Variants in RBPJ observed in about 807,000 individuals in gnomAD.
RBPJ encodes recombination signal binding protein for immunoglobulin kappa J region.
RBPJ carries 9 observed loss-of-function variants against 67.8 expected under a neutral mutation model. That is an observed-to-expected ratio of 0.13 (90% confidence interval 0.08 to 0.23). The LOEUF (loss-of-function observed/expected upper bound fraction) is 0.23, where lower values mean the gene tolerates loss of function less well. RBPJ is among the 10% of genes least tolerant of loss of function. The pLI is 1.00. For synonymous variants in RBPJ, 198 were observed against 203.3 expected (o/e 0.97, Z 0.22); for missense variants, 305 against 595.6 (o/e 0.51, Z 5.08).
intron 1 of RBPJ, among the ~76,000 whole-genome samples, chr4:26,269,005 G>T (rs942490542): frequency 1.3e-5 from 2 of 151,808 alleles, no homozygotes; most frequent in Non-Finnish European, 2.9e-5. Flanking sequence ...GGCTTCTTTG[G>T]CTGTTCTCCT....
chr4:26,211,127 C>A (rs1191408990), intron 1 of RBPJ, among the ~76,000 whole-genome samples: 1 of 152,072 alleles, frequency 6.6e-6, no homozygotes, highest in Non-Finnish European at 1.5e-5. Context: ...ATGGAAATAG[C>A]CTTACTCAAG....
intron 1 of RBPJ, among the ~76,000 whole-genome samples, chr4:26,270,409 G>GA (rs1332540554): frequency 5.2e-5 from 3 of 57,506 alleles, no homozygotes; most frequent in East Asian, 8.4e-4. Flanking sequence ...AAGAAAGAAA[G>GA]AAAGAAAGAA....
In RBPJ at chr4:26,424,955, A is replaced by T. The variant is rs138216489; in HGVS notation, c.747+212A>T. 1.2e-3 allele frequency: 519 copies of T among 447,626 alleles called. 5 individuals are homozygous for T. The highest frequency in any genetic ancestry group is 9.7e-3 in the African/African-American group (476 of 49,272). 27.7% of individuals were successfully genotyped at this position (447,626 alleles called of 1,614,324 possible). A position where few individuals can be genotyped will look rare whatever the true frequency, so the allele number is the denominator to read the frequency against. On this transcript the variant is annotated intron_variant, in intron 7 of 10. Transcript: ENST00000355476. This position sits in a 1 kb window ranked among gnomAD's most constrained non-coding sequence, Gnocchi z 5.3. ...GGTAATAGCCAGTTTTTACAAGTAC[A>T]TTCTTAATGATTTTTTCTTAAATGA...
intron 1 of RBPJ, among the ~76,000 whole-genome samples, chr4:26,246,874 A>G (rs1719945812): frequency 6.6e-6 from 1 of 151,996 alleles, no homozygotes; most frequent in African/African-American, 2.4e-5. Flanking sequence ...GCGCACCACT[A>G]CTGTACTCAG....
chr4:26,117,895 A>G, the RBPJ span, among the ~76,000 whole-genome samples: 5 of 152,158 alleles, frequency 3.3e-5, no homozygotes, highest in African/African-American at 1.2e-4. Flanking sequence ...GCAGTGATTT[A>G]AAAGTACAAA....
intron 1 of RBPJ, among the ~76,000 whole-genome samples, chr4:26,344,594 C>A (rs984671080): frequency 6.6e-6 from 1 of 152,070 alleles, no homozygotes; most frequent in Non-Finnish European, 1.5e-5. Context: ...AGCTGACCTA[C>A]AAATAATAAG....
At chr4:26,401,698 G>GAGAC (rs1732823991) in intron 2 of RBPJ, among the ~76,000 whole-genome samples, 1 of 152,124 alleles carries the variant, frequency 6.6e-6, no homozygotes, top group Non-Finnish European at 1.5e-5. Context: ...ACACAATGCA[G>GAGAC]TTACTGCTAA....
intron 1 of RBPJ, among the ~76,000 whole-genome samples, chr4:26,273,613 C>G (rs1720982679): frequency 6.6e-6 from 1 of 152,248 alleles, no homozygotes; most frequent in Admixed American, 6.5e-5. Context: ...AAGAACCACT[C>G]TGTATCCCAC....
intron 1 of RBPJ, among the ~76,000 whole-genome samples, chr4:26,265,248 G>T (rs562972282): frequency 6.6e-6 from 1 of 152,274 alleles, no homozygotes; most frequent in East Asian, 1.9e-4. Context: ...AGCGGATGAG[G>T]CTGGGCTTGG....
At chr4:26,229,491 C>T (rs1719200157) in intron 1 of RBPJ, among the ~76,000 whole-genome samples, 1 of 152,132 alleles carries the variant, frequency 6.6e-6, no homozygotes, top group Admixed American at 6.6e-5. Flanking sequence ...AAGGCCATAC[C>T]GTCCCCAGTG....
rs537584112 is a variant in RBPJ, at chr4:26,350,419, A to AGGACAAGTCTTTCCTCATGGTATT, written c.20+29372_20+29395dup. On this transcript the variant is annotated intron_variant, in intron 1 of 10. Transcript: ENST00000355476. ...TTTCAGTCTTTCTGCCATGACAGGA[A>AGGACAAGTCTTTCCTCATGGTATT]GGACAAGTCTTTCCTCATGGTATTT... Among the ~76,000 whole-genome samples the AGGACAAGTCTTTCCTCATGGTATT allele has an allele frequency of 7.8e-3, 1,183 of 152,312 alleles. 16 individuals are homozygous for AGGACAAGTCTTTCCTCATGGTATT. Among genetic ancestry groups the AGGACAAGTCTTTCCTCATGGTATT allele is most frequent in the African/African-American group, 0.027 (1,113 of 41,566 alleles).
Position 26,382,505 on chromosome 4 carries a change from T to A in RBPJ, c.21-3848T>A, listed in dbSNP as rs115424314. Among the ~76,000 whole-genome samples the A allele has an allele frequency of 8.1e-3, 1,228 of 152,338 alleles. 23 individuals carry two copies. Among genetic ancestry groups the A allele is most frequent in the African/African-American group, 0.028 (1,181 of 41,584 alleles). ...TTTATTAAGTAATTAGAATTTAGTT[T>A]GATTGTGACCTCGGAATTATGTATT... On this transcript the variant is annotated intron_variant, in intron 1 of 10. Transcript: ENST00000355476.
chr4:26,256,914 T>A (rs1350226995), intron 1 of RBPJ, among the ~76,000 whole-genome samples: 1 of 152,216 alleles, frequency 6.6e-6, no homozygotes, highest in African/African-American at 2.4e-5. Flanking sequence ...GGTCTCCTGG[T>A]TGATGGTTCC....
intron 1 of RBPJ, among the ~76,000 whole-genome samples, chr4:26,209,483 A>G (rs1055142583): frequency 3.3e-5 from 5 of 151,482 alleles, no homozygotes; most frequent in Non-Finnish European, 7.4e-5. Flanking sequence ...AAGCTTAAAA[A>G]ACAATCAAAA....
chr4:26,231,414 CT>C (rs368580629), intron 1 of RBPJ, among the ~76,000 whole-genome samples: 24,463 of 141,976 alleles, frequency 0.17, 1,997 homozygotes, highest in Non-Finnish European at 0.2. Context: ...TTTAATTGCA[CT>C]TTTTTTTTTT....
intron 1 of RBPJ, among the ~76,000 whole-genome samples, chr4:26,218,583 T>A (rs1718797624): frequency 6.6e-6 from 1 of 152,184 alleles, no homozygotes; most frequent in South Asian, 2.1e-4. Flanking sequence ...CTGTTGTTAT[T>A]ACTGTTGTGG....
intron 1 of RBPJ, among the ~76,000 whole-genome samples, chr4:26,193,790 C>T (rs1333738336): frequency 2.6e-5 from 4 of 152,078 alleles, no homozygotes; most frequent in Admixed American, 1.3e-4. Context: ...TTCCATAGCC[C>T]CCTCTTATGC....
intron 1 of RBPJ, among the ~76,000 whole-genome samples, chr4:26,379,291 C>T (rs1471006044): frequency 6.6e-6 from 1 of 151,992 alleles, no homozygotes; most frequent in Non-Finnish European, 1.5e-5. Flanking sequence ...GCAATCCTCC[C>T]GCCTCTCAAG....
At chr4:26,320,027 C>T (rs943504316), upstream of RBPJ, 1 of 710,344 alleles carries the variant, frequency 1.4e-6, no homozygotes, top group African/African-American at 1.8e-5. Context: ...CTGTGCCAGG[C>T]CCTCGGGTGG....
Sources: gnomAD v4.1 joint callset for allele counts (sites outside exome capture counted in the v4.1 genomes callset) on GRCh38, gnomAD v4.1.1 for gene constraint, Gnocchi (gnomAD v3.1) non-coding constraint, MANE v1.5 for transcripts, NCBI Gene and HGNC (gene_info 2026-07-23, HGNC 2026-07-21) for gene names.